Variants in SIPA1L3 observed in about 807,000 individuals in gnomAD.
SIPA1L3 encodes the protein signal-induced proliferation-associated 1-like protein 3.
SIPA1L3 carries 59 observed loss-of-function variants against 150.1 expected under a neutral mutation model. The ratio of observed to expected loss-of-function variants is 0.39; its 90% CI spans 0.32 to 0.49. The LOEUF is 0.49. SIPA1L3 is among the 20% of genes least tolerant of loss of function. SIPA1L3 has a pLI of 0.86. For synonymous variants in SIPA1L3, 1,070 were observed against 1,077.6 expected, an observed-to-expected ratio of 0.99 and a Z score of 0.14; for missense variants, 2,211 against 2,489.5, an observed-to-expected ratio of 0.89 and a Z score of 2.38.
At chr19:37,909,196 C>G (rs143278095) in intron 1 of SIPA1L3, among the ~76,000 whole-genome samples, 2 of 152,316 alleles carry the variant, frequency 1.3e-5, no homozygotes, top group East Asian at 1.9e-4. Flanking sequence ...GGTCTCCCAT[C>G]TGATGGGCAC....
intron 10 of SIPA1L3, among the ~76,000 whole-genome samples, chr19:38,140,643 G>T (rs989734809): frequency 1.3e-5 from 2 of 152,164 alleles, no homozygotes; most frequent in Admixed American, 1.3e-4. Flanking sequence ...GAGGAGGGAA[G>T]AGGAGATGAG....
chr19:37,984,931 G>A (rs1967306764), intron 1 of SIPA1L3, among the ~76,000 whole-genome samples: 1 of 152,220 alleles, frequency 6.6e-6, no homozygotes, highest in Non-Finnish European at 1.5e-5. Context: ...TATTTCTGGG[G>A]CCTCTTGTCT....
rs982200117 is a variant in SIPA1L3 at position 38,142,615 on chromosome 19, A to G, written c.3438A>G (p.Ala1146=). The G allele has an allele frequency of 6.2e-7, 1 of 1,613,952 alleles. No individual in the cohort carries two copies. Among genetic ancestry groups the G allele is most frequent in the East Asian group, 2.2e-5 (1 of 44,880 alleles). Residue 1146 remains alanine, a synonymous_variant, in exon 12 of 22, where the codon GCA becomes GCG. Coordinates refer to ENST00000222345, the MANE Select transcript of SIPA1L3 (RefSeq NM_015073.3). ...FPETPYTVSP[A]GADRVPPYRQ... Reference sequence around the variant, plus strand: ...AAACCCCTTACACAGTATCACCAGCAGGGGCCGACAGAGTCCCTCCCTACC... The same window carrying G: ...AAACCCCTTACACAGTATCACCAGCGGGGGCCGACAGAGTCCCTCCCTACC...
At chr19:37,944,762 C>G (rs983734769) in intron 1 of SIPA1L3, among the ~76,000 whole-genome samples, 21 of 151,976 alleles carry the variant, frequency 1.4e-4, no homozygotes, top group African/African-American at 4.8e-4. Context: ...ACCAGCCTGG[C>G]CAACATGGTG....
At chr19:37,999,654 C>T (rs1453125657) in intron 1 of SIPA1L3, among the ~76,000 whole-genome samples, 2 of 152,224 alleles carry the variant, frequency 1.3e-5, no homozygotes, top group Non-Finnish European at 2.9e-5. Context: ...GAAAGGTCAT[C>T]GTTTAAGAAT....
At chr19:37,978,134 C>T (rs1475187628) in intron 1 of SIPA1L3, among the ~76,000 whole-genome samples, 1 of 152,088 alleles carries the variant, frequency 6.6e-6, no homozygotes, top group East Asian at 1.9e-4. Context: ...GAGGGCAGAC[C>T]CAGAGTTGGG....
intron 2 of SIPA1L3, among the ~76,000 whole-genome samples, chr19:38,043,111 G>A (rs567439429): frequency 3.9e-5 from 6 of 152,216 alleles, no homozygotes; most frequent in South Asian, 4.1e-4. Context: ...GGGCCGAGGC[G>A]GGCAGATCAC....
chr19:37,945,152 G>A (rs2046698784), intron 1 of SIPA1L3, among the ~76,000 whole-genome samples: 1 of 152,044 alleles, frequency 6.6e-6, no homozygotes, highest in African/African-American at 2.4e-5. Flanking sequence ...AGTTCAAAAT[G>A]CAAAGTACAT....
At chr19:37,974,332 C>G (rs1205661098) in intron 1 of SIPA1L3, among the ~76,000 whole-genome samples, 1 of 151,940 alleles carries the variant, frequency 6.6e-6, no homozygotes. Flanking sequence ...TCAGCCTAGG[C>G]AACATGGTGA....
chr19:38,183,177 G>T (rs930825761), intron 16 of SIPA1L3, among the ~76,000 whole-genome samples: 4 of 152,174 alleles, frequency 2.6e-5, no homozygotes, highest in Non-Finnish European at 5.9e-5. Context: ...TGAGGGCCAC[G>T]TGGAAGGGAC....
At chr19:37,992,291 A>G (rs1035436271) in intron 1 of SIPA1L3, among the ~76,000 whole-genome samples, 3 of 152,212 alleles carry the variant, frequency 2.0e-5, no homozygotes, top group Admixed American at 2.0e-4. Context: ...TGTCATGATC[A>G]TAATGCACAA....
At chr19:38,064,468 G>T (rs1052208257) in intron 2 of SIPA1L3, among the ~76,000 whole-genome samples, 1 of 152,206 alleles carries the variant, frequency 6.6e-6, no homozygotes, top group Non-Finnish European at 1.5e-5. Context: ...AGGCCGAGGC[G>T]GGCAGATCAC....
At chr19:38,125,038 A>AGACCGTGGGGAGAGGGAGAGGGAGAGGGG (rs1568563650) in intron 9 of SIPA1L3, among the ~76,000 whole-genome samples, 5 of 148,324 alleles carry the variant, frequency 3.4e-5, no homozygotes, top group South Asian at 2.3e-4. Flanking sequence ...AGGGAGAGGG[A>AGACCGTGGGGAGAGGGAGAGGGAGAGGGG]GCTGTTTTGT....
chr19:38,060,837 G>A (rs1406746113), intron 2 of SIPA1L3, among the ~76,000 whole-genome samples: 1 of 152,114 alleles, frequency 6.6e-6, no homozygotes, highest in Non-Finnish European at 1.5e-5. Context: ...GATTACAGGG[G>A]TGTGCCACCA....
intron 2 of SIPA1L3, among the ~76,000 whole-genome samples, chr19:38,054,543 G>A (rs1266163332): frequency 6.6e-6 from 1 of 152,152 alleles, no homozygotes; most frequent in Non-Finnish European, 1.5e-5. Flanking sequence ...TCTCAGCAGT[G>A]AGCCGAGATC....
intron 8 of SIPA1L3, among the ~76,000 whole-genome samples, chr19:38,116,525 C>CAAAAAAAA (rs1197701775): frequency 1.2e-5 from 1 of 83,430 alleles, no homozygotes; most frequent in African/African-American, 4.7e-5. Flanking sequence ...GACTCTGTCT[C>CAAAAAAAA]AAAAAAAAAA....
chr19:38,145,603 A>G (rs1032091756), intron 12 of SIPA1L3, among the ~76,000 whole-genome samples: 2 of 151,712 alleles, frequency 1.3e-5, no homozygotes, highest in Non-Finnish European at 2.9e-5. Context: ...AGCCTCCCCT[A>G]TTGTTAACAT....
intron 2 of SIPA1L3, among the ~76,000 whole-genome samples, chr19:38,065,834 C>CTATT (rs74176412): frequency 0.3 from 42,775 of 140,920 alleles, 7,025 homozygotes; most frequent in East Asian, 0.41. Flanking sequence ...CTCTACCTTG[C>CTATT]TATTTATTTA....
intron 1 of SIPA1L3, among the ~76,000 whole-genome samples, chr19:37,996,360 G>C (rs1967638735): frequency 1.3e-5 from 2 of 152,216 alleles, no homozygotes; most frequent in South Asian, 4.1e-4. Context: ...CGAGTATCTG[G>C]ATTTACAGGC....
Sources: allele counts gnomAD v4.1 joint callset (sites outside exome capture counted in the v4.1 genomes callset), GRCh38; gene constraint gnomAD v4.1.1; transcripts MANE v1.5; gene names NCBI Gene and HGNC (gene_info 2026-07-23, HGNC 2026-07-21).